Variants in FAM151A observed in about 807,000 individuals in gnomAD.
The protein encoded by FAM151A is family with sequence similarity 151 member A.
Under a neutral mutation model 40.4 loss-of-function variants are expected in FAM151A, and 41 were observed. The ratio of observed to expected loss-of-function variants is 1.01; its 90% CI spans 0.79 to 1.32. FAM151A has a LOEUF of 1.32. Among genes scored for constraint, FAM151A ranks in the 40% most tolerant of loss-of-function variants. FAM151A has a pLI of 0.00. For missense variants in FAM151A, 740 were observed against 740.4 expected (o/e 1.00, Z 0.01); for synonymous variants, 337 against 312.5 (o/e 1.08, Z -0.83).
At chr1:54,613,471 C>T (rs1251463545) in intron 4 of FAM151A, among the ~76,000 whole-genome samples, 1 of 151,364 alleles carries the variant, frequency 6.6e-6, no homozygotes, top group Non-Finnish European at 1.5e-5. Context: ...TCTTTTCTTT[C>T]TATACGTGGT....
rs761473627 is a variant in FAM151A at position 54,609,401 on chromosome 1, T to C, written c.1625A>G (p.Asn542Ser). 1.9e-6 allele frequency: 3 copies of C among 1,613,898 alleles called. No homozygotes were observed. Among genetic ancestry groups the C allele is most frequent in the Non-Finnish European group, 1.7e-6 (2 of 1,180,012 alleles). ...AGAGGCATAGTCGCCCCCAGCTGGG[T>C]TGTGCTCCACTGTGACGGTGGCCCG... is the stretch of plus-strand genomic sequence containing the variant. Reference protein sequence around the residue: ...SPRATVTVEHNPAGGDYASVR... With the variant: ...SPRATVTVEHSPAGGDYASVR... The change falls in exon 8 of 8, where the codon AAC becomes AGC. Residue 542 changes from asparagine (N) to serine (S), a missense_variant. Asn to Ser is a conservative substitution (Grantham distance 46, BLOSUM62 1). Coordinates refer to ENST00000302250, the MANE Select transcript of FAM151A (RefSeq NM_176782.3).
At position 54,609,769 on chromosome 1, in the gene FAM151A, T is replaced by C. The variant is rs371751366; in HGVS notation, c.1257A>G (p.Ala419=). The C allele has an allele frequency of 6.2e-7, 1 of 1,614,158 alleles. No homozygotes were observed. The highest frequency in any genetic ancestry group is 1.1e-5 in the South Asian group (1 of 91,086). ...WGIHLQIAEP[A]ALRPSLALLA... is the part of the protein sequence containing the mutation. ...GCAAGGCCAGGGATGGCCGGAGGGC[T>C]GCGGGCTCCGCTATTTGCAAATGGA... Residue 419 remains alanine, a synonymous_variant, in exon 8 of 8, where the codon GCA becomes GCG. Coordinates refer to ENST00000302250, the MANE Select transcript of FAM151A (RefSeq NM_176782.3).
rs761290664 is a variant in FAM151A at position 54,610,529 on chromosome 1, A to C, written c.967T>G (p.Tyr323Asp). The C allele has an allele frequency of 6.2e-7, 1 of 1,613,034 alleles. No homozygotes were observed. Among genetic ancestry groups the C allele is most frequent in the Non-Finnish European group, 8.5e-7 (1 of 1,179,438 alleles). The change falls in exon 7 of 8, where the codon TAC (tyrosine) becomes GAC (aspartate). Residue 323 changes from tyrosine (Y) to aspartate (D), a missense_variant. Transcript: ENST00000302250. Reference protein sequence around the residue: ...ALNATRKPMYYTGGSLIPLLQ... With the variant: ...ALNATRKPMYDTGGSLIPLLQ... Reference sequence around the variant, plus strand: ...AGAGGGATCAGGCTGCCTCCCGTGTAGTACATTGGTTTCCGTGTGGCATTC... The same window carrying C: ...AGAGGGATCAGGCTGCCTCCCGTGTCGTACATTGGTTTCCGTGTGGCATTC...
rs761738488 is a variant in FAM151A, at chr1:54,609,721, G to T, written c.1305C>A (p.Gly435=). 6.2e-7 allele frequency: 1 copy of T among 1,614,128 alleles called. No individual in the cohort carries two copies. The highest frequency in any genetic ancestry group is 8.5e-7 in the Non-Finnish European group (1 of 1,180,012). ...LALLARLSSL[G]LLHWPVWVGA... is the part of the protein sequence containing the mutation. ...CAACCCACACAGGCCAATGCAAGAG[G>T]CCAAGGCTGGAGAGGCGTGCCAGCA... Residue 435 remains glycine (G), a synonymous_variant, in exon 8 of 8, where the codon GGC becomes GGA. Coordinates refer to ENST00000302250, the MANE Select transcript of FAM151A (RefSeq NM_176782.3).
intron 1 of FAM151A, chr1:54,621,874 T>C (rs12130767): frequency 0.033 from 5,068 of 152,450 alleles, 102 homozygotes; most frequent in Middle Eastern, 0.095. Flanking sequence ...CTCAGCCTAG[T>C]CTGCTGAGTT....
At chr1:54,611,829 G>C in intron 5 of FAM151A, 84 bp from the exon 6 acceptor site, 1 of 1,536,942 alleles carries the variant, frequency 6.5e-7, no homozygotes, top group Non-Finnish European at 8.9e-7. Context: ...CTGGATGTCA[G>C]CTGGGCGCAG....
At chr1:54,619,841 T>C in intron 2 of FAM151A, 23 bp downstream of exon 2, 2 of 1,612,224 alleles carry the variant, frequency 1.2e-6, no homozygotes, top group South Asian at 2.2e-5. Context: ...CTGGCCTGCC[T>C]CAGTCTTGGC....
chr1:54,617,502 C>G (rs1159042870), intron 2 of FAM151A, among the ~76,000 whole-genome samples: 2 of 150,760 alleles, frequency 1.3e-5, no homozygotes, highest in Non-Finnish European at 2.9e-5. Context: ...ACCCATTGCT[C>G]TAAACTTGAA....
intron 4 of FAM151A, 126 bp downstream of exon 4, chr1:54,614,574 C>T: frequency 1.1e-6 from 1 of 951,804 alleles, no homozygotes; most frequent in African/African-American, 1.7e-5. Flanking sequence ...TGTGCAAAGG[C>T]TCAGAGGTGA....
rs142814457 is a variant in FAM151A, at chr1:54,616,168, G to C, written c.267C>G (p.Asn89Lys). ...TGACGTCAGCCTCCAGGACTGTGAT[G>C]TTGCCTGTGGAAGGGGCAACAACTC... Reference protein sequence around the residue: ...KKAMTAALNSNITVLEADVNV... With the variant: ...KKAMTAALNSKITVLEADVNV... Residue 89 changes from asparagine to lysine, a missense_variant, in exon 3 of 8, where the codon AAC (asparagine) becomes AAG (lysine). Asn to Lys is a moderately conservative substitution (Grantham distance 94). Coordinates refer to ENST00000302250, the MANE Select transcript of FAM151A (RefSeq NM_176782.3). 4.4e-3 allele frequency: 7,062 copies of C among 1,613,170 alleles called. 26 individuals are homozygous for C. The highest frequency in any genetic ancestry group is 5.5e-3 in the Non-Finnish European group (6,476 of 1,179,382).
intron 3 of FAM151A, 107 bp from the exon 4 acceptor site, chr1:54,614,966 A>T (rs1644157558): frequency 3.3e-6 from 2 of 612,950 alleles, no homozygotes; most frequent in Non-Finnish European, 2.7e-6. Context: ...ATGTGCGTGC[A>T]CAGTGGAGTC....
At chr1:54,612,376 C>G (rs1644128016) in intron 5 of FAM151A, 110 bp downstream of exon 5, 1 of 746,714 alleles carries the variant, frequency 1.3e-6, no homozygotes, top group African/African-American at 1.7e-5. Context: ...TGAGCACTGG[C>G]AGGGGTTGGA....
Position 54,610,472 on chromosome 1 carries a change from C to T in FAM151A, c.1024G>A (p.Val342Met), listed in dbSNP as rs201727345. The stretch of plus-strand genomic sequence containing the variant: ...TGGACGTCAGGAACCAGCCACTCCA[C>T]ATTCAGACCGTCATCCCCAGGCAGC... ...LQLPGDDGLN[V>M]EWLVPDVQGS... is the part of the protein sequence containing the mutation. The change falls in exon 7 of 8, where the codon GTG becomes ATG. Residue 342 changes from valine to methionine, a missense_variant. Val to Met is a conservative substitution (Grantham distance 21). Transcript: ENST00000302250. The T allele has an allele frequency of 5.3e-6, 8 of 1,501,110 alleles. No homozygotes were observed. Among genetic ancestry groups the T allele is most frequent in the Admixed American group, 1.7e-5 (1 of 57,644 alleles). The allele number at this position is 1,501,110 out of a possible 1,614,324, so 93.0% of individuals were successfully genotyped here. A position where few individuals can be genotyped will look rare whatever the true frequency, so the allele number is the denominator to read the frequency against.
At position 54,617,709 on chromosome 1, in the gene FAM151A, A is replaced by ATTTTT. The variant is rs56229276; in HGVS notation, c.263-1542_263-1538dup. ...CACTAGGTCTGCAGCAGGGCCTGAGATTTTTTTTTTTTTTTTTTTTTTTTT... is the reference window on the plus strand; with the variant it reads ...CACTAGGTCTGCAGCAGGGCCTGAGATTTTTTTTTTTTTTTTTTTTTTTTTTTTTT... On this transcript the variant is annotated intron_variant, in intron 2 of 7. Transcript: ENST00000302250. Among the ~76,000 whole-genome samples, 509 of 55,776 alleles carry ATTTTT rather than the reference A, an allele frequency of 9.1e-3. 80 individuals carry two copies. The highest frequency in any genetic ancestry group is 0.013 in the Non-Finnish European group (429 of 32,914). 36.6% of individuals were successfully genotyped at this position (55,776 alleles called of 152,430 possible).
intron 3 of FAM151A, among the ~76,000 whole-genome samples, chr1:54,615,429 C>G (rs1461390127): frequency 6.6e-6 from 1 of 152,098 alleles, no homozygotes; most frequent in African/African-American, 2.4e-5. Flanking sequence ...CATGACAAAA[C>G]TGGTGTTTTG....
intron 7 of FAM151A, 80 bp from the exon 8 acceptor site, chr1:54,610,021 T>G: frequency 2.7e-6 from 4 of 1,494,788 alleles, no homozygotes; most frequent in Non-Finnish European, 3.6e-6. Context: ...AAAGGGGCAG[T>G]GGGAGTTATG....
chr1:54,616,653 G>A (rs751173792), intron 2 of FAM151A, among the ~76,000 whole-genome samples: 6 of 152,128 alleles, frequency 3.9e-5, no homozygotes, highest in South Asian at 2.1e-4. Context: ...GATTACAGGC[G>A]TGAGCCACCG....
chr1:54,613,554 C>T (rs1418178399), intron 4 of FAM151A, among the ~76,000 whole-genome samples: 1 of 152,110 alleles, frequency 6.6e-6, no homozygotes, highest in East Asian at 1.9e-4. Context: ...TCCCAAAGTA[C>T]TGGGATTATA....
intron 6 of FAM151A, chr1:54,610,959 A>G: frequency 1.0e-6 from 1 of 985,420 alleles, no homozygotes; most frequent in Non-Finnish European, 1.2e-6. Flanking sequence ...AATACAGTGG[A>G]GGCCTCTGAA....
Sources: gnomAD v4.1 joint callset for allele counts (sites outside exome capture counted in the v4.1 genomes callset) on GRCh38, gnomAD v4.1.1 for gene constraint, MANE v1.5 for transcripts, NCBI Gene and HGNC (gene_info 2026-07-23, HGNC 2026-07-21) for gene names.